The following SIM2 variants were observed in gnomAD, a reference collection of about 807,000 sequenced individuals.
SIM2 encodes the protein SIM bHLH transcription factor 2, also known as single-minded homolog 2.
In SIM2, 28 loss-of-function variants were observed where a neutral mutation model predicts 64.8. The ratio of observed to expected loss-of-function variants is 0.43; its 90% CI spans 0.32 to 0.59. SIM2 has a LOEUF of 0.59. Ranked by LOEUF, SIM2 falls within the 20% of genes least tolerant of loss-of-function variation. The pLI, the probability that SIM2 is intolerant of heterozygous loss-of-function variation, is 0.07. For synonymous variants in SIM2, 408 were observed against 391.1 expected, an observed-to-expected ratio of 1.04 and a Z score of -0.51; for missense variants, 847 against 871.4, an observed-to-expected ratio of 0.97 and a Z score of 0.35.
intron 7 of SIM2, among the ~76,000 whole-genome samples, chr21:36,733,560 ATTT>A (rs60888276): frequency 5.2e-5 from 7 of 134,102 alleles, no homozygotes; most frequent in Admixed American, 3.8e-4. Flanking sequence ...GGAAGCAGGG[ATTT>A]TTTTTTTTTT....
intron 4 of SIM2, among the ~76,000 whole-genome samples, chr21:36,722,348 G>A (rs1164216556): frequency 2.0e-5 from 3 of 152,200 alleles, no homozygotes; most frequent in Admixed American, 6.5e-5. Flanking sequence ...GAGGGTGGAA[G>A]ACTTTGCTTC....
At chr21:36,736,871 T>C (rs2089064405) in intron 7 of SIM2, among the ~76,000 whole-genome samples, 1 of 149,100 alleles carries the variant, frequency 6.7e-6, no homozygotes, top group Non-Finnish European at 1.5e-5. Context: ...TTTCTTTCTT[T>C]CTTTCTTCCT....
intron 7 of SIM2, among the ~76,000 whole-genome samples, chr21:36,734,532 G>A (rs1452448798): frequency 4.0e-5 from 6 of 151,640 alleles, no homozygotes; most frequent in East Asian, 1.9e-4. Flanking sequence ...CAGCCAGGCC[G>A]GTGGGTTGGT....
chr21:36,727,335 TA>T (rs112302386), intron 6 of SIM2, among the ~76,000 whole-genome samples: 15,350 of 152,240 alleles, frequency 0.1, 2,303 homozygotes, highest in African/African-American at 0.33. Flanking sequence ...GTGCCCAGCC[TA>T]AAACTGAATT....
rs199980367 is a variant in SIM2 at position 36,743,375 on chromosome 21, C to G, written c.999-12C>G. Reference sequence around the variant, plus strand: ...CCTGCTGGACATGACTCGGCCCACTCTCGCCTTCCAGGGAGATTGAATACA... The same window carrying G: ...CCTGCTGGACATGACTCGGCCCACTGTCGCCTTCCAGGGAGATTGAATACA... On this transcript the variant is annotated splice_polypyrimidine_tract_variant and intron_variant, in intron 8 of 10. Transcript: ENST00000290399. The G allele has an allele frequency of 1.9e-6, 3 of 1,606,554 alleles. No homozygotes were observed. The highest frequency in any genetic ancestry group is 2.2e-5 in the East Asian group (1 of 44,798).
chr21:36,704,015 C>G (rs962114373), intron 1 of SIM2, among the ~76,000 whole-genome samples: 2 of 152,262 alleles, frequency 1.3e-5, no homozygotes, highest in East Asian at 3.8e-4. Context: ...CTCCCCATCT[C>G]CCTTTCCCCA....
intron 1 of SIM2, among the ~76,000 whole-genome samples, chr21:36,703,565 G>C (rs907573669): frequency 6.6e-6 from 1 of 152,310 alleles, no homozygotes; most frequent in East Asian, 1.9e-4. Context: ...CTGCTTTCTG[G>C]GTGACCACCT....
intron 3 of SIM2, among the ~76,000 whole-genome samples, chr21:36,714,240 A>C (rs867269136): frequency 6.6e-6 from 1 of 152,318 alleles, no homozygotes; most frequent in Middle Eastern, 3.4e-3. Context: ...AGTCATTTAG[A>C]AAACCTTTCA....
chr21:36,714,630 G>A (rs1394037920), intron 3 of SIM2, among the ~76,000 whole-genome samples: 1 of 152,136 alleles, frequency 6.6e-6, no homozygotes. Flanking sequence ...GAGTCCTTTG[G>A]GGGCTCCTAT....
At chr21:36,706,163 G>T (rs925523472) in intron 1 of SIM2, among the ~76,000 whole-genome samples, 1 of 152,376 alleles carries the variant, frequency 6.6e-6, no homozygotes, top group East Asian at 1.9e-4. Context: ...AGGCCGTGCA[G>T]TGTGAGGAAC....
At chr21:36,744,635 G>C in intron 9 of SIM2, 93 bp from the exon 10 acceptor site, 1 of 1,451,348 alleles carries the variant, frequency 6.9e-7, no homozygotes, top group Non-Finnish European at 9.2e-7. Context: ...CCTTGGATGG[G>C]GTTGGGCCCC....
intron 4 of SIM2, among the ~76,000 whole-genome samples, chr21:36,721,696 A>G (rs1312003453): frequency 3.3e-5 from 5 of 152,070 alleles, no homozygotes; most frequent in Admixed American, 3.3e-4. Flanking sequence ...TCAGCCTCCC[A>G]AAGTGCTGGG....
chr21:36,703,124 C>G (rs2088528594), intron 1 of SIM2, among the ~76,000 whole-genome samples: 1 of 152,100 alleles, frequency 6.6e-6, no homozygotes, highest in Admixed American at 6.5e-5. Flanking sequence ...CTCCACTGCA[C>G]CCAGGAGGCT....
In SIM2 at chr21:36,748,188, CAG is replaced by C. The variant is rs1423643738; in HGVS notation, c.*100_*101del. 3.2e-5 allele frequency: 16 copies of C among 504,160 alleles called. No individual in the cohort carries two copies. In the Admixed American group the frequency reaches 4.2e-4, roughly 13 times the overall value. The allele number at this position is 504,160 out of a possible 1,614,324, so 31.2% of individuals were successfully genotyped here. A position where few individuals can be genotyped will look rare whatever the true frequency, so the allele number is the denominator to read the frequency against. On this transcript the variant is annotated 3_prime_UTR_variant, in exon 11 of 11. Transcript: ENST00000290399. ...TGCGCACGACCTACATTAATTTATGCAGAGACAGCTGTTTGAATTGGACCCCG... is the reference window on the plus strand; with the variant it reads ...TGCGCACGACCTACATTAATTTATGCAGACAGCTGTTTGAATTGGACCCCG...
rs533226941 is a variant in SIM2 at position 36,718,438 on chromosome 21, C to T, written c.349-1383C>T. Among the ~76,000 whole-genome samples, 10 of 152,314 alleles carry T rather than the reference C, an allele frequency of 6.6e-5. No homozygotes were observed. The East Asian group carries it at 9.7e-4, about 15-fold the overall frequency. On this transcript the variant is annotated intron_variant, in intron 3 of 10. Coordinates refer to ENST00000290399, the MANE Select transcript of SIM2 (RefSeq NM_005069.6). ...CTGATGGAGAGCCACAGGCTCCCAG[C>T]GACACCTGCAGCAAGACACACCTAA...
intron 2 of SIM2, chr21:36,709,471 C>A: frequency 1.5e-6 from 1 of 680,012 alleles, no homozygotes; most frequent in Admixed American, 2.0e-5. Flanking sequence ...CCCCCACACC[C>A]CGCCGAAGGC....
intron 1 of SIM2, among the ~76,000 whole-genome samples, chr21:36,700,950 G>T (rs1201550781): frequency 6.6e-6 from 1 of 152,254 alleles, no homozygotes; most frequent in Non-Finnish European, 1.5e-5. Context: ...CGCCCACGCC[G>T]GTTGCCGCTG....
intron 9 of SIM2, 35 bp downstream of exon 9, chr21:36,743,590 C>T (rs775686363): frequency 6.3e-7 from 1 of 1,599,656 alleles, no homozygotes; most frequent in South Asian, 1.1e-5. Context: ...GGGGTGCTGA[C>T]ATCTATCCTA....
chr21:36,743,823 G>T (rs976379250), intron 9 of SIM2, among the ~76,000 whole-genome samples: 1 of 152,346 alleles, frequency 6.6e-6, no homozygotes, highest in South Asian at 2.1e-4. Flanking sequence ...ATTCTAATGG[G>T]CTTGACGGGT....
Sources: gnomAD v4.1 joint callset for allele counts (sites outside exome capture counted in the v4.1 genomes callset) on GRCh38, gnomAD v4.1.1 for gene constraint, MANE v1.5 for transcripts, NCBI Gene and HGNC (gene_info 2026-07-23, HGNC 2026-07-21) for gene names.